NELL1: variants seen among roughly 807,000 people sequenced by gnomAD.
NELL1 encodes protein kinase C-binding protein NELL1.
Under a neutral mutation model 107.4 loss-of-function variants are expected in NELL1, and 76 were observed. The observed-to-expected ratio is 0.71, with a 90% CI of 0.59 to 0.86. The LOEUF is 0.86. Ranked by LOEUF, NELL1 falls within the 40% of genes least tolerant of loss-of-function variation. NELL1 has a pLI of 0.00. For missense variants in NELL1, 1,024 were observed against 1,005.5 expected, an observed-to-expected ratio of 1.02 and a Z score of -0.25; for synonymous variants, 353 against 341.2, an observed-to-expected ratio of 1.03 and a Z score of -0.38.
At chr11:21,322,476 CAAT>C (rs1850034559) in intron 14 of NELL1, among the ~76,000 whole-genome samples, 1 of 151,918 alleles carries the variant, frequency 6.6e-6, no homozygotes, top group African/African-American at 2.4e-5. Context: ...TGACTATAAC[CAAT>C]AATAATAAAA....
At chr11:21,249,166 A>T in intron 14 of NELL1, among the ~76,000 whole-genome samples, 1 of 152,196 alleles carries the variant, frequency 6.6e-6, no homozygotes, top group East Asian at 1.9e-4. Context: ...AAGCAGTAAG[A>T]ATCCTTCATA....
intron 2 of NELL1, among the ~76,000 whole-genome samples, chr11:20,722,725 G>A (rs1855419949): frequency 6.6e-6 from 1 of 152,150 alleles, no homozygotes; most frequent in Non-Finnish European, 1.5e-5. Context: ...AAGCAGAGAA[G>A]GAGGGAGAAC....
rs146719372 is a variant in NELL1 at position 21,520,942 on chromosome 11, T to C, written c.1646-13432T>C. 5.4e-3 allele frequency among the ~76,000 whole-genome samples: 828 copies of C among 152,358 alleles called. 16 individuals carry two copies. The highest frequency in any genetic ancestry group is 0.044 in the Admixed American group (668 of 15,304). On this transcript the variant is annotated intron_variant, in intron 15 of 19. Transcript: ENST00000357134. ...CTGGCTATCCTGCCTCAGGGCAAAT[T>C]TAGAAATATTTCTTTCAGTTCAATA...
At position 20,910,223 on chromosome 11, in the gene NELL1, A is replaced by G. The variant is rs533565080; in HGVS notation, c.604-7959A>G. Among the ~76,000 whole-genome samples the G allele has an allele frequency of 1.4e-3, 209 of 152,280 alleles. 1 individual carries two copies. Among genetic ancestry groups the G allele is most frequent in the Admixed American group, 2.8e-3 (43 of 15,300 alleles). On this transcript the variant is annotated intron_variant, in intron 5 of 19. Coordinates refer to ENST00000357134, the MANE Select transcript of NELL1 (RefSeq NM_006157.5). ...GGGCTTGTTCCCGTGGTGCTCGGCA[A>G]TGTTTCAAGGTAGAGTAGATGTTCA...
At chr11:20,832,770 T>A (rs1858039997) in intron 3 of NELL1, among the ~76,000 whole-genome samples, 1 of 152,190 alleles carries the variant, frequency 6.6e-6, no homozygotes, top group South Asian at 2.1e-4. Context: ...CTAGTTATGA[T>A]AAGTACTTTA....
chr11:21,417,731 T>G (rs1852552502), intron 15 of NELL1, among the ~76,000 whole-genome samples: 1 of 152,084 alleles, frequency 6.6e-6, no homozygotes, highest in Non-Finnish European at 1.5e-5. Context: ...CTGAGCCTAT[T>G]CTAACTCTTA....
intron 12 of NELL1, among the ~76,000 whole-genome samples, chr11:21,039,411 C>T (rs561316096): frequency 6.6e-6 from 1 of 152,252 alleles, no homozygotes; most frequent in South Asian, 2.1e-4. Flanking sequence ...GTCTTAAACT[C>T]CTGACCTCAG....
intron 12 of NELL1, among the ~76,000 whole-genome samples, chr11:20,986,576 T>C (rs548212655): frequency 1.8e-4 from 27 of 152,254 alleles, no homozygotes; most frequent in African/African-American, 6.3e-4. Context: ...GGCCCCACCC[T>C]TAGAGTTTCT....
At position 20,733,166 on chromosome 11, in the gene NELL1, C is replaced by T. The variant is rs1438556195; in HGVS notation, c.185-50514C>T. On this transcript the variant is annotated intron_variant, in intron 2 of 19. Coordinates refer to ENST00000357134, the MANE Select transcript of NELL1 (RefSeq NM_006157.5). ...CCTCTTCCTCCCTGCCATCCCTCTT[C>T]CTCTATCTTCCTTCCATAGGTTTTG... Among the ~76,000 whole-genome samples the T allele has an allele frequency of 2.6e-5, 4 of 152,222 alleles. No individual in the cohort carries two copies. The South Asian group carries it at 6.2e-4, about 24-fold the overall frequency.
At chr11:21,566,038 G>A (rs1246097940) in intron 17 of NELL1, among the ~76,000 whole-genome samples, 3 of 151,894 alleles carry the variant, frequency 2.0e-5, no homozygotes, top group Admixed American at 6.6e-5. Context: ...AATATTTCAT[G>A]TTTTGTAGAC....
At chr11:21,547,871 G>A (rs75943947) in intron 16 of NELL1, among the ~76,000 whole-genome samples, 1,990 of 151,896 alleles carry the variant, frequency 0.013, 52 homozygotes, top group East Asian at 0.097. Flanking sequence ...TCATTGCCAC[G>A]TAGTGAGTAG....
rs556053195 is a variant in NELL1, at chr11:20,795,527, T to C, written c.335+11697T>C. Among the ~76,000 whole-genome samples, 4 of 152,354 alleles carry C rather than the reference T, an allele frequency of 2.6e-5. No homozygotes were observed. In the East Asian group the frequency reaches 7.7e-4, roughly 29 times the overall value. ...TTTTTCGGATTCAAATGTGTTAATA[T>C]AGAGCTTTGTTAAAATGGAAAGCTT... On this transcript the variant is annotated intron_variant, in intron 3 of 19. Transcript: ENST00000357134.
At chr11:20,783,851 T>A (rs780543453) in intron 3 of NELL1, 21 bp downstream of exon 3, 1 of 1,595,942 alleles carries the variant, frequency 6.3e-7, no homozygotes, top group Non-Finnish European at 8.5e-7. Context: ...TCTTTCTGCT[T>A]TTGAAAATCT....
At chr11:21,241,910 T>TA (rs972819107) in intron 14 of NELL1, among the ~76,000 whole-genome samples, 14 of 151,608 alleles carry the variant, frequency 9.2e-5, no homozygotes, top group Non-Finnish European at 2.1e-4. Context: ...TTCTATTTTT[T>TA]TTTTTTTTTT....
chr11:20,947,570 C>T (rs1850990053), intron 11 of NELL1, 135 bp downstream of exon 11: 1 of 643,758 alleles, frequency 1.6e-6, no homozygotes, highest in African/African-American at 1.8e-5. Flanking sequence ...AGTTGCATAT[C>T]CTATTTACCT....
chr11:21,333,446 A>T (rs1402728474), intron 14 of NELL1, among the ~76,000 whole-genome samples: 1 of 152,118 alleles, frequency 6.6e-6, no homozygotes, highest in African/African-American at 2.4e-5. Context: ...ATGAAGATGC[A>T]GTTTGAGTAG....
At chr11:20,764,852 T>C (rs939212866) in intron 2 of NELL1, among the ~76,000 whole-genome samples, 1 of 152,040 alleles carries the variant, frequency 6.6e-6, no homozygotes, top group African/African-American at 2.4e-5. Context: ...GAATGAGAAC[T>C]GGGGGCTGCT....
intron 15 of NELL1, among the ~76,000 whole-genome samples, chr11:21,496,939 C>T (rs1854995864): frequency 1.3e-5 from 2 of 151,932 alleles, no homozygotes; most frequent in South Asian, 4.1e-4. Flanking sequence ...ATCTATGTCC[C>T]TACAAAGGAC....
At chr11:21,402,619 C>G (rs775113828) in intron 15 of NELL1, among the ~76,000 whole-genome samples, 6 of 149,930 alleles carry the variant, frequency 4.0e-5, no homozygotes, top group Admixed American at 6.7e-5. Flanking sequence ...CTAACTAATG[C>G]TTGGTAGAAA....
Sources: allele counts gnomAD v4.1 joint callset (sites outside exome capture counted in the v4.1 genomes callset), GRCh38; gene constraint gnomAD v4.1.1; transcripts MANE v1.5; gene names NCBI Gene and HGNC (gene_info 2026-07-23, HGNC 2026-07-21).